Variants in ADGRL2 observed in about 807,000 individuals in gnomAD.
The protein encoded by ADGRL2 is calcium-independent alpha-latrotoxin receptor 2.
ADGRL2 carries 44 observed loss-of-function variants against 157.4 expected under a neutral mutation model. The ratio of observed to expected loss-of-function variants is 0.28; its 90% CI spans 0.22 to 0.36. ADGRL2 has a LOEUF of 0.36. ADGRL2 is among the 10% of genes least tolerant of loss of function. The pLI, the probability that ADGRL2 is intolerant of heterozygous loss-of-function variation, is 1.00. For missense variants in ADGRL2, 1,510 were observed against 1,768.9 expected (o/e 0.85, Z 2.63); for synonymous variants, 585 against 624.7 (o/e 0.94, Z 0.95).
At chr1:81,647,582 G>T (rs2082338412) in intron 3 of ADGRL2, among the ~76,000 whole-genome samples, 1 of 152,092 alleles carries the variant, frequency 6.6e-6, no homozygotes, top group Non-Finnish European at 1.5e-5. Flanking sequence ...ATACATAAAT[G>T]AATTTCATGT....
intron 3 of ADGRL2, among the ~76,000 whole-genome samples, chr1:81,624,746 G>A (rs1348939987): frequency 6.6e-6 from 1 of 152,160 alleles, no homozygotes; most frequent in East Asian, 1.9e-4. Flanking sequence ...AGAATTAACT[G>A]TATAACCTTG....
intron 1 of ADGRL2, among the ~76,000 whole-genome samples, chr1:81,440,396 A>G (rs1488520472): frequency 1.3e-5 from 2 of 152,202 alleles, no homozygotes; most frequent in Non-Finnish European, 2.9e-5. Flanking sequence ...TGTAGGAATC[A>G]GTACTTAAAG....
At chr1:81,749,048 T>G (rs2085406406) in intron 1 of ADGRL2, among the ~76,000 whole-genome samples, 1 of 152,154 alleles carries the variant, frequency 6.6e-6, no homozygotes, top group African/African-American at 2.4e-5. Flanking sequence ...TTTTTTAAAA[T>G]AAAAATAGAT....
chr1:81,826,304 C>T (rs2091477123), intron 1 of ADGRL2, among the ~76,000 whole-genome samples: 1 of 152,154 alleles, frequency 6.6e-6, no homozygotes, highest in Non-Finnish European at 1.5e-5. Flanking sequence ...ATGTATAATT[C>T]ATGCTAAATT....
chr1:81,633,042 G>A (rs554646884), intron 3 of ADGRL2, among the ~76,000 whole-genome samples: 1 of 152,266 alleles, frequency 6.6e-6, no homozygotes, highest in East Asian at 1.9e-4. Context: ...CTACAGAGGA[G>A]GTTTATCAGA....
intron 3 of ADGRL2, among the ~76,000 whole-genome samples, chr1:81,912,162 C>T (rs1478830021): frequency 6.6e-6 from 1 of 151,910 alleles, no homozygotes; most frequent in East Asian, 1.9e-4. Context: ...GCCTCTGCCT[C>T]CTGGGTTCAA....
At chr1:81,576,931 A>G (rs1047010999) in intron 2 of ADGRL2, among the ~76,000 whole-genome samples, 2 of 152,272 alleles carry the variant, frequency 1.3e-5, no homozygotes, top group South Asian at 4.2e-4. Context: ...TCTGGGACAT[A>G]GACATCATGT....
At chr1:81,689,671 G>T (rs926249067) in intron 3 of ADGRL2, among the ~76,000 whole-genome samples, 7 of 152,194 alleles carry the variant, frequency 4.6e-5, no homozygotes, top group Admixed American at 1.3e-4. Flanking sequence ...AGATGTGGCT[G>T]CAGGGGGCTG....
At chr1:81,390,852 C>T (rs993032468) in intron 1 of ADGRL2, among the ~76,000 whole-genome samples, 5 of 152,296 alleles carry the variant, frequency 3.3e-5, no homozygotes, top group Admixed American at 6.5e-5. Flanking sequence ...GTTTTCATAA[C>T]CTGTTTTCAA....
intron 3 of ADGRL2, among the ~76,000 whole-genome samples, chr1:81,630,511 G>C (rs2081991696): frequency 6.6e-6 from 1 of 152,026 alleles, no homozygotes; most frequent in African/African-American, 2.4e-5. Context: ...ACATATGATA[G>C]AAGCCTTTGT....
At chr1:81,955,844 T>C in intron 10 of ADGRL2, 33 bp from the exon 11 acceptor site, 1 of 1,449,348 alleles carries the variant, frequency 6.9e-7, no homozygotes, top group Non-Finnish European at 9.3e-7. Context: ...CTAAAAGCGG[T>C]CAAAACTAAT....
At chr1:81,525,824 AC>A (rs66889810) in intron 2 of ADGRL2, among the ~76,000 whole-genome samples, 4,599 of 152,246 alleles carry the variant, frequency 0.03, 197 homozygotes, top group African/African-American at 0.097. Context: ...TAAATGTTCT[AC>A]CTTTTGCCAT....
chr1:81,905,961 T>A (rs1422712423), intron 2 of ADGRL2, among the ~76,000 whole-genome samples: 3 of 149,068 alleles, frequency 2.0e-5, no homozygotes, highest in African/African-American at 4.9e-5. Flanking sequence ...TGTGTGTGTG[T>A]GTGTGTGTGT....
chr1:81,677,565 T>G (rs780421195), intron 3 of ADGRL2, among the ~76,000 whole-genome samples: 22 of 152,254 alleles, frequency 1.4e-4, no homozygotes, highest in Non-Finnish European at 2.5e-4. Context: ...AGTTGACCTC[T>G]GTCTCCCACG....
chr1:81,727,235 G>A (rs2084561755), intron 1 of ADGRL2, among the ~76,000 whole-genome samples: 1 of 152,078 alleles, frequency 6.6e-6, no homozygotes, highest in African/African-American at 2.4e-5. Context: ...AAACAAAATA[G>A]ACCAAATTAA....
At chr1:81,893,319 T>TTTTTTTTTGTTTTTG (rs753014450) in intron 2 of ADGRL2, among the ~76,000 whole-genome samples, 1 of 150,244 alleles carries the variant, frequency 6.7e-6, no homozygotes, top group Non-Finnish European at 1.5e-5. Flanking sequence ...CAATCCTGTC[T>TTTTTTTTTGTTTTTG]TGTATTTTTC....
At chr1:81,488,536 CA>C (rs35800238) in intron 2 of ADGRL2, among the ~76,000 whole-genome samples, 103,220 of 138,556 alleles carry the variant, frequency 0.74, 39,548 homozygotes, top group East Asian at 0.85. Flanking sequence ...CCTGTCTCTA[CA>C]AAAAAAAAAA....
intron 1 of ADGRL2, among the ~76,000 whole-genome samples, chr1:81,370,874 G>A (rs1033416329): frequency 1.3e-5 from 2 of 152,136 alleles, no homozygotes; most frequent in Non-Finnish European, 2.9e-5. Flanking sequence ...TAGAATCATT[G>A]ATATTAGAGA....
chr1:81,729,615 T>C (rs1474752425), intron 1 of ADGRL2, among the ~76,000 whole-genome samples: 1 of 152,196 alleles, frequency 6.6e-6, no homozygotes, highest in African/African-American at 2.4e-5. Flanking sequence ...TTTTATATTT[T>C]CCCCCTTCAA....
Sources: gnomAD v4.1 joint callset for allele counts (sites outside exome capture counted in the v4.1 genomes callset) on GRCh38, gnomAD v4.1.1 for gene constraint, MANE v1.5 for transcripts, NCBI Gene and HGNC (gene_info 2026-07-23, HGNC 2026-07-21) for gene names.